Variants in KDM3A observed in about 807,000 individuals in gnomAD.
KDM3A encodes lysine demethylase 3A.
KDM3A carries 60 observed loss-of-function variants against 158.0 expected under a neutral mutation model. The ratio of observed to expected loss-of-function variants is 0.38; its 90% CI spans 0.31 to 0.47. The LOEUF (loss-of-function observed/expected upper bound fraction) is 0.47, where lower values mean the gene tolerates loss of function less well. Among genes scored for constraint, KDM3A ranks in the 20% least tolerant of loss-of-function variants. The pLI, the probability that KDM3A is intolerant of heterozygous loss-of-function variation, is 0.99. For synonymous variants in KDM3A, 608 were observed against 549.3 expected, an observed-to-expected ratio of 1.11 and a Z score of -1.49; for missense variants, 1,319 against 1,574.3, an observed-to-expected ratio of 0.84 and a Z score of 2.74.
At chr2:86,463,780 T>C (rs1411530322) in intron 8 of KDM3A, among the ~76,000 whole-genome samples, 1 of 152,204 alleles carries the variant, frequency 6.6e-6, no homozygotes, top group African/African-American at 2.4e-5. Flanking sequence ...CACCTGACTG[T>C]TTTCCTGGCA....
intron 7 of KDM3A, 24 bp downstream of exon 7, chr2:86,456,901 T>C: frequency 1.9e-6 from 3 of 1,585,762 alleles, no homozygotes; most frequent in Non-Finnish European, 2.6e-6. Flanking sequence ...TTAAAATCTT[T>C]CTTCTCCTTC....
At chr2:86,481,540 A>G (rs751399440) in intron 16 of KDM3A, among the ~76,000 whole-genome samples, 11 of 152,022 alleles carry the variant, frequency 7.2e-5, no homozygotes, top group Non-Finnish European at 1.5e-4. Context: ...GAACAAGACA[A>G]AGGATATCTG....
rs1674449172 is a variant in KDM3A at position 86,491,385 on chromosome 2, AC to A, written c.3885+111del. 4.3e-5 allele frequency: 47 copies of A among 1,104,424 alleles called. 1 individual carries two copies. The South Asian group carries it at 5.3e-4, about 12-fold the overall frequency. The allele number at this position is 1,104,424 out of a possible 1,614,324, so 68.4% of individuals were successfully genotyped here. A position where few individuals can be genotyped will look rare whatever the true frequency, so the allele number is the denominator to read the frequency against. The stretch of plus-strand genomic sequence containing the variant: ...AACTTGGCCATATCGTACTTAGTAC[AC>A]AGTGAGTCGAGGAACTTGCTTTATA... On this transcript the variant is annotated intron_variant, in intron 25 of 25. Coordinates refer to ENST00000312912, the MANE Select transcript of KDM3A (RefSeq NM_018433.6).
chr2:86,466,460 G>C lies in KDM3A; in HGVS notation c.1096G>C (p.Ala366Pro), dbSNP rs375678230. The change falls in exon 10 of 26, where the codon GCA becomes CCA. Residue 366 changes from alanine (A) to proline (P), a missense_variant. Physicochemically the swap from Ala to Pro is conservative, Grantham distance 27. Transcript: ENST00000312912. ...ALRTKPDVCK[A>P]GLLSKSSQIG... ...GAGAACAAAACCAGATGTCTGCAAA[G>C]CAGGGTTGCTCTCAAAGTCCTCTCA... 81 of 1,613,766 alleles carry C rather than the reference G, an allele frequency of 5.0e-5. No individual in the cohort carries two copies. Among genetic ancestry groups the C allele is most frequent in the Non-Finnish European group, 6.9e-5 (81 of 1,179,834 alleles).
chr2:86,450,787 G>T (rs1672425276), intron 3 of KDM3A, among the ~76,000 whole-genome samples: 1 of 152,078 alleles, frequency 6.6e-6, no homozygotes, highest in African/African-American at 2.4e-5. Flanking sequence ...TTTAGAACTG[G>T]TTAAAAACAC....
chr2:86,454,531 A>G (rs1434309689), intron 4 of KDM3A, among the ~76,000 whole-genome samples: 1 of 152,190 alleles, frequency 6.6e-6, no homozygotes, highest in Admixed American at 6.5e-5. Context: ...ATTGATGAAT[A>G]AACTAACTCT....
intron 5 of KDM3A, among the ~76,000 whole-genome samples, chr2:86,455,787 A>G (rs942305222): frequency 1.3e-5 from 2 of 151,588 alleles, no homozygotes; most frequent in East Asian, 1.9e-4. Flanking sequence ...GTCGATCTCT[A>G]CAAAACATTT....
rs1278610371 is a variant in KDM3A at position 86,466,758 on chromosome 2, A to C, written c.1394A>C (p.Asn465Thr). ...VKAGVNSDSP[N>T]NCSGKKVEPS... is the part of the protein sequence containing the mutation. ...GCAGGTGTCAATAGTGATAGCCCTA[A>C]TAACTGTTCAGGAAAAAAGGTAGAA... Residue 465 changes from asparagine to threonine, a missense_variant, in exon 10 of 26, where the codon AAT becomes ACT. Coordinates refer to ENST00000312912, the MANE Select transcript of KDM3A (RefSeq NM_018433.6). 1 of 1,613,740 alleles carries C rather than the reference A, an allele frequency of 6.2e-7. No homozygotes were observed. The highest frequency in any genetic ancestry group is 8.5e-7 in the Non-Finnish European group (1 of 1,179,854).
rs11431031 is a variant in KDM3A, at chr2:86,456,416, A to ATTT, written c.557-6_557-4dup. On this transcript the variant is annotated intron_variant, in intron 5 of 25. Transcript: ENST00000312912. ...GGGAGATAATGCAAATTGCTCTAAGATTTTTTTTTTTTTTTTTTTTTTAAG... is the reference window on the plus strand; with the variant it reads ...GGGAGATAATGCAAATTGCTCTAAGATTTTTTTTTTTTTTTTTTTTTTTTTAAG... 5.4e-3 allele frequency: 5,650 copies of ATTT among 1,051,800 alleles called. 1 individual carries two copies. The highest frequency in any genetic ancestry group is 0.012 in the South Asian group (561 of 46,982). The allele number at this position is 1,051,800 out of a possible 1,614,324, so 65.2% of individuals were successfully genotyped here. A position where few individuals can be genotyped will look rare whatever the true frequency, so the allele number is the denominator to read the frequency against.
chr2:86,476,426 A>AT lies in KDM3A; in HGVS notation c.1939+1438dup, dbSNP rs575771099. Among the ~76,000 whole-genome samples the AT allele has an allele frequency of 2.4e-4, 37 of 152,232 alleles. No individual in the cohort carries two copies. In the South Asian group the frequency reaches 7.5e-3, roughly 31 times the overall value. On this transcript the variant is annotated intron_variant, in intron 12 of 25. Coordinates refer to ENST00000312912, the MANE Select transcript of KDM3A (RefSeq NM_018433.6). The stretch of plus-strand genomic sequence containing the variant: ...AACTCTCCTTGAAGATTTAAATGGG[A>AT]TTAACCTCTCCTCCTTGCCTTTTTG...
At chr2:86,483,905 A>T (rs1002035257) in intron 18 of KDM3A, 82 bp from the exon 19 acceptor site, 2 of 1,074,258 alleles carry the variant, frequency 1.9e-6, no homozygotes, top group African/African-American at 3.2e-5. Flanking sequence ...ATATACCAAT[A>T]GCAGTGTGAA....
intron 2 of KDM3A, among the ~76,000 whole-genome samples, chr2:86,447,207 C>G (rs1360153871): frequency 6.6e-6 from 1 of 151,626 alleles, no homozygotes; most frequent in Non-Finnish European, 1.5e-5. Flanking sequence ...CATCTTTTTC[C>G]AAACCAAAAT....
At chr2:86,442,626 TG>T (rs1682781403) in intron 2 of KDM3A, 1 of 160,292 alleles carries the variant, frequency 6.2e-6, no homozygotes, top group Admixed American at 6.4e-5. Flanking sequence ...CAGCTGGTTT[TG>T]TTTGTTTGTT....
chr2:86,466,324 G>A (rs1673143660), intron 9 of KDM3A, 48 bp from the exon 10 acceptor site: 2 of 1,530,956 alleles, frequency 1.3e-6, no homozygotes, highest in South Asian at 1.3e-5. Context: ...AGATAATGGA[G>A]AGATAAAAAG....
chr2:86,478,286 A>G, intron 14 of KDM3A, 21 bp downstream of exon 14: 1 of 1,550,824 alleles, frequency 6.4e-7, no homozygotes, highest in Non-Finnish European at 8.9e-7. Flanking sequence ...TGCTGCAGTG[A>G]TTTTCTTTCC....
intron 23 of KDM3A, chr2:86,489,902 T>A: frequency 2.7e-6 from 1 of 375,516 alleles, no homozygotes; most frequent in South Asian, 7.6e-5. Flanking sequence ...TAGAGTGCAT[T>A]TAGAGATTTT....
At chr2:86,445,374 C>A (rs974700008) in intron 2 of KDM3A, among the ~76,000 whole-genome samples, 1 of 152,170 alleles carries the variant, frequency 6.6e-6, no homozygotes, top group South Asian at 2.1e-4. Context: ...TTATTTTTAT[C>A]CTGCTCTTTC....
In KDM3A at chr2:86,442,111, G is replaced by A; in HGVS notation, c.64G>A (p.Ala22Thr). The change falls in exon 2 of 26, where the codon GCA becomes ACA. Residue 22 changes from alanine to threonine, a missense_variant. By Grantham distance (58) the Ala-to-Thr change is moderately conservative. Coordinates refer to ENST00000312912, the MANE Select transcript of KDM3A (RefSeq NM_018433.6). The stretch of plus-strand genomic sequence containing the variant: ...GGGGAGGAGGTTTCTCAGTCTGTCC[G>A]CAGCCGACGGCAGCGATGGCAGCCA... ...LVGRRFLSLS[A>T]ADGSDGSHDS... 2 of 1,614,092 alleles carry A rather than the reference G, an allele frequency of 1.2e-6. No individual in the cohort carries two copies. Among genetic ancestry groups the A allele is most frequent in the Non-Finnish European group, 8.5e-7 (1 of 1,180,012 alleles).
rs138395720 is a variant in KDM3A at position 86,484,431 on chromosome 2, G to C, written c.3094+273G>C. On this transcript the variant is annotated intron_variant, in intron 19 of 25. Coordinates refer to ENST00000312912, the MANE Select transcript of KDM3A (RefSeq NM_018433.6). The stretch of plus-strand genomic sequence containing the variant: ...GCAGAATAAGTAATTTCTGTTGCAT[G>C]CTGGCCTCAGAAAAATGGGTTTACT... 1.8e-3 allele frequency among the ~76,000 whole-genome samples: 277 copies of C among 152,296 alleles called. 1 individual carries two copies. The highest frequency in any genetic ancestry group is 2.8e-3 in the Non-Finnish European group (191 of 68,026).
Sources: gnomAD v4.1 joint callset for allele counts (sites outside exome capture counted in the v4.1 genomes callset) on GRCh38, gnomAD v4.1.1 for gene constraint, MANE v1.5 for transcripts, NCBI Gene and HGNC (gene_info 2026-07-23, HGNC 2026-07-21) for gene names.